SMC2: variants seen among roughly 807,000 people sequenced by gnomAD.
SMC2 encodes structural maintenance of chromosomes protein 2.
A neutral mutation model predicts 142.6 loss-of-function variants in SMC2; 41 were observed. That is an observed-to-expected ratio of 0.29 (90% CI 0.22 to 0.37). The LOEUF (loss-of-function observed/expected upper bound fraction) is 0.37, where lower values mean the gene tolerates loss of function less well. SMC2 is among the 10% of genes least tolerant of loss of function. SMC2 has a pLI of 1.00. For synonymous variants in SMC2, 463 were observed against 457.5 expected, an observed-to-expected ratio of 1.01 and a Z score of -0.15; for missense variants, 1,265 against 1,373.7, an observed-to-expected ratio of 0.92 and a Z score of 1.25.
Position 104,139,359 on chromosome 9 carries a change from A to T in SMC2, c.*44A>T. ...CATCTTGACCTGTTTTTTTAAATGT[A>T]AACTTTTAAGGACTTGAGATAACTA... On this transcript the variant is annotated 3_prime_UTR_variant, in exon 25 of 25. Transcript: ENST00000374793. The T allele has an allele frequency of 6.7e-7, 1 of 1,499,324 alleles. No homozygotes were observed. The highest frequency in any genetic ancestry group is 9.0e-7 in the Non-Finnish European group (1 of 1,114,732). 92.9% of individuals were successfully genotyped at this position (1,499,324 alleles called of 1,614,324 possible).
intron 20 of SMC2, 42 bp downstream of exon 20, chr9:104,127,522 G>A (rs755917003): frequency 7.1e-7 from 1 of 1,408,426 alleles, no homozygotes. Flanking sequence ...TCAAATTTTT[G>A]TTACTGAGCT....
intron 9 of SMC2, 110 bp downstream of exon 9, chr9:104,102,683 G>A (rs1000399123): frequency 4.3e-6 from 5 of 1,166,860 alleles, no homozygotes; most frequent in African/African-American, 1.6e-5. Context: ...TATAAGCTAA[G>A]TACAGTTGTT....
At chr9:104,132,760 T>G (rs1156244094) in intron 22 of SMC2, among the ~76,000 whole-genome samples, 1 of 152,074 alleles carries the variant, frequency 6.6e-6, no homozygotes, top group Non-Finnish European at 1.5e-5. Flanking sequence ...CCCTGTAATA[T>G]TTTTCTCTTA....
intron 5 of SMC2, among the ~76,000 whole-genome samples, 188 bp downstream of exon 5, chr9:104,099,870 AG>A (rs1830917871): frequency 6.6e-6 from 1 of 152,122 alleles, no homozygotes; most frequent in Non-Finnish European, 1.5e-5. Flanking sequence ...GATTGTATAA[AG>A]GAGTCTTGCT....
intron 13 of SMC2, among the ~76,000 whole-genome samples, chr9:104,115,678 C>T (rs1475659890): frequency 6.6e-6 from 1 of 152,030 alleles, no homozygotes; most frequent in African/African-American, 2.4e-5. Flanking sequence ...CATAGCCATT[C>T]ACCTTCCATA....
intron 17 of SMC2, among the ~76,000 whole-genome samples, chr9:104,123,691 C>T (rs914776741): frequency 6.6e-6 from 1 of 152,046 alleles, no homozygotes; most frequent in African/African-American, 2.4e-5. Flanking sequence ...TGTTCTCATG[C>T]TTAAGAGTCC....
chr9:104,090,531 G>T (rs1451105414), upstream of SMC2, among the ~76,000 whole-genome samples: 1 of 152,022 alleles, frequency 6.6e-6, no homozygotes, highest in Admixed American at 6.5e-5. Flanking sequence ...AAAACATAAG[G>T]TACCTATGAG....
At chr9:104,104,403 G>A (rs1394793795) in intron 9 of SMC2, among the ~76,000 whole-genome samples, 2 of 152,160 alleles carry the variant, frequency 1.3e-5, no homozygotes, top group Non-Finnish European at 2.9e-5. Flanking sequence ...TGCCTAGGGT[G>A]GTTTGAATTT....
intron 6 of SMC2, 77 bp from the exon 7 acceptor site, chr9:104,100,312 A>T: frequency 7.1e-7 from 1 of 1,404,138 alleles, no homozygotes; most frequent in East Asian, 2.3e-5. Flanking sequence ...TTCCATAGTC[A>T]TCCCTGCTAC....
chr9:104,135,293 G>A (rs1253160301), intron 23 of SMC2, among the ~76,000 whole-genome samples: 3 of 151,830 alleles, frequency 2.0e-5, no homozygotes, highest in Admixed American at 6.6e-5. Context: ...AGAATTAAGT[G>A]AACTTTCTAG....
At position 104,139,582 on chromosome 9, in the gene SMC2, T is replaced by A. The variant is rs888081849; in HGVS notation, c.*267T>A. On this transcript the variant is annotated 3_prime_UTR_variant, in exon 25 of 25. Transcript: ENST00000374793. The stretch of plus-strand genomic sequence containing the variant: ...ATGCGGGTCTTTTATATATTAGGGA[T>A]CCTGAGATACCCGATTCTATATGTA... 3.7e-6 allele frequency: 1 copy of A among 270,484 alleles called. No homozygotes were observed. The highest frequency in any genetic ancestry group is 9.5e-5 in the South Asian group (1 of 10,570). 16.8% of individuals were successfully genotyped at this position (270,484 alleles called of 1,614,324 possible).
At chr9:104,102,787 A>G (rs1831312092) in intron 9 of SMC2, among the ~76,000 whole-genome samples, 1 of 152,160 alleles carries the variant, frequency 6.6e-6, no homozygotes, top group Non-Finnish European at 1.5e-5. Context: ...AAAATAAATA[A>G]AACATGTAAC....
intron 12 of SMC2, 65 bp from the exon 13 acceptor site, chr9:104,114,626 G>GAGTAA (rs1832876308): frequency 1.5e-6 from 2 of 1,376,366 alleles, no homozygotes; most frequent in African/African-American, 1.5e-5. Context: ...AGCTCCTGAT[G>GAGTAA]AGTAAAGTAT....
chr9:104,114,934 G>T (rs1832913200), intron 13 of SMC2, 105 bp downstream of exon 13: 2 of 882,348 alleles, frequency 2.3e-6, no homozygotes, highest in Admixed American at 6.1e-5. Flanking sequence ...CTCCCCTAAG[G>T]TGACTTATTT....
intron 10 of SMC2, among the ~76,000 whole-genome samples, chr9:104,112,464 T>G (rs1832574890): frequency 6.6e-6 from 1 of 152,220 alleles, no homozygotes; most frequent in African/African-American, 2.4e-5. Context: ...TGTTTTGTTT[T>G]TAATGGAAGA....
At chr9:104,119,829 C>T (rs922229181) in intron 15 of SMC2, among the ~76,000 whole-genome samples, 198 bp from the exon 16 acceptor site, 1 of 152,124 alleles carries the variant, frequency 6.6e-6, no homozygotes, top group Non-Finnish European at 1.5e-5. Context: ...TAAATAATAC[C>T]TACTACAACC....
At chr9:104,130,193 A>AT (rs1834789779) in intron 21 of SMC2, among the ~76,000 whole-genome samples, 1 of 152,158 alleles carries the variant, frequency 6.6e-6, no homozygotes, top group African/African-American at 2.4e-5. Flanking sequence ...CTGAAACTAT[A>AT]TAAGTAATGA....
chr9:104,121,656 T>C (rs1833752652), intron 16 of SMC2, among the ~76,000 whole-genome samples: 1 of 152,222 alleles, frequency 6.6e-6, no homozygotes. Flanking sequence ...TTTTTGGGTA[T>C]GTTTTTAGCA....
intron 7 of SMC2, among the ~76,000 whole-genome samples, chr9:104,101,387 T>A (rs1315393075): frequency 6.6e-6 from 1 of 152,204 alleles, no homozygotes; most frequent in East Asian, 1.9e-4. Context: ...TATGTATGAT[T>A]TAGTAGAAAA....
Sources: gnomAD v4.1 joint callset for allele counts (sites outside exome capture counted in the v4.1 genomes callset) on GRCh38, gnomAD v4.1.1 for gene constraint, MANE v1.5 for transcripts, NCBI Gene and HGNC (gene_info 2026-07-23, HGNC 2026-07-21) for gene names.